SUPT3H: variants seen among roughly 807,000 people sequenced by gnomAD.
SUPT3H encodes the protein transcription initiation protein SPT3 homolog.
SUPT3H carries 44 observed loss-of-function variants against 44.3 expected under a neutral mutation model. The ratio of observed to expected loss-of-function variants is 0.99; its 90% CI spans 0.78 to 1.28. The LOEUF is 1.28. Ranked by LOEUF, SUPT3H falls within the 50% of genes most tolerant of loss-of-function variation. The pLI, the probability that SUPT3H is intolerant of heterozygous loss-of-function variation, is 0.00. For synonymous variants in SUPT3H, 124 were observed against 125.6 expected (o/e 0.99, Z 0.09); for missense variants, 380 against 387.1 (o/e 0.98, Z 0.15).
intron 2 of SUPT3H, among the ~76,000 whole-genome samples, chr6:45,145,333 G>C (rs913906544): frequency 1.3e-5 from 2 of 152,052 alleles, no homozygotes; most frequent in Non-Finnish European, 2.9e-5. Context: ...TAGAGCAATA[G>C]AACAGAACAG....
At chr6:44,940,687 A>C (rs1030563548) in intron 9 of SUPT3H, among the ~76,000 whole-genome samples, 4 of 152,114 alleles carry the variant, frequency 2.6e-5, no homozygotes, top group African/African-American at 9.6e-5. Context: ...TCTAGTAATA[A>C]GTCTAGTAAT....
At chr6:45,145,005 C>T (rs1805810528) in intron 2 of SUPT3H, among the ~76,000 whole-genome samples, 1 of 152,032 alleles carries the variant, frequency 6.6e-6, no homozygotes, top group South Asian at 2.1e-4. Flanking sequence ...CAAAACACTG[C>T]TGAAATAAAT....
chr6:44,921,051 C>T (rs1768632289), intron 10 of SUPT3H, among the ~76,000 whole-genome samples: 1 of 152,180 alleles, frequency 6.6e-6, no homozygotes, highest in Admixed American at 6.5e-5. Flanking sequence ...AGTCACATGG[C>T]ACTGCTTATT....
At chr6:44,895,180 T>C (rs1178736300) in intron 10 of SUPT3H, among the ~76,000 whole-genome samples, 2 of 151,928 alleles carry the variant, frequency 1.3e-5, no homozygotes, top group Non-Finnish European at 2.9e-5. Flanking sequence ...TAAAGTCAGA[T>C]GTATCAGAGG....
chr6:45,104,092 A>C (rs1018968768), intron 3 of SUPT3H, among the ~76,000 whole-genome samples: 1 of 152,154 alleles, frequency 6.6e-6, no homozygotes, highest in African/African-American at 2.4e-5. Context: ...CTTCTTCAGG[A>C]TGAAGGAAAA....
Position 44,945,639 on chromosome 6 carries a change from C to T in SUPT3H, c.801+7671G>A, listed in dbSNP as rs1162010755. Among the ~76,000 whole-genome samples the T allele has an allele frequency of 2.0e-5, 3 of 152,202 alleles. No homozygotes were observed. The East Asian group carries it at 5.8e-4, about 29-fold the overall frequency. On this transcript the variant is annotated intron_variant, in intron 9 of 10. Coordinates refer to ENST00000371459, the MANE Select transcript of SUPT3H (RefSeq NM_003599.4). Reference sequence around the variant, plus strand: ...AGCCTAATCCAGAGCAAGGTGCTAACTCTCTTTAATTCTGTGAAGGCCAAG... The same window carrying T: ...AGCCTAATCCAGAGCAAGGTGCTAATTCTCTTTAATTCTGTGAAGGCCAAG...
At chr6:45,345,762 T>G (rs1014662952) in intron 2 of SUPT3H, among the ~76,000 whole-genome samples, 1 of 152,220 alleles carries the variant, frequency 6.6e-6, no homozygotes, top group Non-Finnish European at 1.5e-5. Flanking sequence ...CGTACCTTTA[T>G]CTTTCAAACA....
At chr6:45,151,543 G>T (rs1034099185) in intron 2 of SUPT3H, among the ~76,000 whole-genome samples, 1 of 152,110 alleles carries the variant, frequency 6.6e-6, no homozygotes, top group African/African-American at 2.4e-5. Context: ...GCTGGGCAAA[G>T]AAATGCTTAA....
chr6:45,098,519 CT>C, intron 3 of SUPT3H: 1 of 249,916 alleles, frequency 4.0e-6, no homozygotes. Flanking sequence ...ACATTTGCTC[CT>C]CCTGGGTGAA....
At chr6:45,215,339 AC>A (rs963384669) in intron 2 of SUPT3H, among the ~76,000 whole-genome samples, 11 of 152,304 alleles carry the variant, frequency 7.2e-5, no homozygotes, top group Admixed American at 7.2e-4. Flanking sequence ...TCAGTGACAG[AC>A]CCTAATGAAA....
chr6:44,928,170 G>A (rs622051), intron 10 of SUPT3H, among the ~76,000 whole-genome samples: 149,134 of 152,230 alleles, frequency 0.98, 73,062 homozygotes, highest in Middle Eastern at 1. Flanking sequence ...CTCCAGGATC[G>A]AAGTTCTTAA....
At chr6:45,179,530 A>T (rs547452436) in intron 2 of SUPT3H, among the ~76,000 whole-genome samples, 287 of 152,306 alleles carry the variant, frequency 1.9e-3, no homozygotes, top group African/African-American at 6.7e-3. Flanking sequence ...CTTATCCACC[A>T]TGATCAAGTG....
chr6:44,852,094 TG>T (rs1373624482), intron 10 of SUPT3H, among the ~76,000 whole-genome samples: 3 of 152,142 alleles, frequency 2.0e-5, no homozygotes, highest in Non-Finnish European at 4.4e-5. Context: ...TTTCCAGCCT[TG>T]GGGAAACTCA....
chr6:45,330,113 T>C (rs757621490), intron 2 of SUPT3H, among the ~76,000 whole-genome samples: 25 of 151,824 alleles, frequency 1.6e-4, no homozygotes, highest in Non-Finnish European at 3.2e-4. Context: ...TACTTTGTAT[T>C]TTACAAAAAA....
chr6:45,265,572 T>C (rs1403427885), intron 2 of SUPT3H, among the ~76,000 whole-genome samples: 1 of 152,104 alleles, frequency 6.6e-6, no homozygotes, highest in Non-Finnish European at 1.5e-5. Context: ...ACACTGGTGA[T>C]ATATTTAAAT....
intron 10 of SUPT3H, among the ~76,000 whole-genome samples, chr6:44,845,304 T>C (rs1373037384): frequency 5.3e-5 from 8 of 152,144 alleles, no homozygotes; most frequent in African/African-American, 1.9e-4. Flanking sequence ...ATCTAAGCCA[T>C]CCATTCATAA....
chr6:45,169,773 A>G (rs1191594681), intron 2 of SUPT3H, among the ~76,000 whole-genome samples: 1 of 152,214 alleles, frequency 6.6e-6, no homozygotes, highest in Non-Finnish European at 1.5e-5. Context: ...TAGGCAGAAC[A>G]GTAATATGTT....
chr6:44,918,961 C>T lies in SUPT3H; in HGVS notation c.912+13692G>A, dbSNP rs545696258. 4.6e-5 allele frequency among the ~76,000 whole-genome samples: 7 copies of T among 152,294 alleles called. No individual in the cohort carries two copies. The East Asian group carries it at 1.4e-3, about 29-fold the overall frequency. On this transcript the variant is annotated intron_variant, in intron 10 of 10. Coordinates refer to ENST00000371459, the MANE Select transcript of SUPT3H (RefSeq NM_003599.4). ...CCTGAAATTGAGCCTGAGCTTCTTACAGACTGGAAGTGCTTATTGAGGTGG... is the reference window on the plus strand; with the variant it reads ...CCTGAAATTGAGCCTGAGCTTCTTATAGACTGGAAGTGCTTATTGAGGTGG...
At chr6:45,236,162 A>G (rs1016901929) in intron 2 of SUPT3H, among the ~76,000 whole-genome samples, 15 of 152,064 alleles carry the variant, frequency 9.9e-5, no homozygotes, top group African/African-American at 3.4e-4. Context: ...TCCACACGCT[A>G]TATTTGTGCA....
Sources: allele counts gnomAD v4.1 joint callset (sites outside exome capture counted in the v4.1 genomes callset), GRCh38; gene constraint gnomAD v4.1.1; transcripts MANE v1.5; gene names NCBI Gene and HGNC (gene_info 2026-07-23, HGNC 2026-07-21).